ERCC6: variants seen among roughly 807,000 people sequenced by gnomAD.
ERCC6 encodes the protein ERCC excision repair 6, chromatin remodeling factor.
ERCC6 carries 116 observed loss-of-function variants against 158.7 expected under a neutral mutation model. That is an observed-to-expected ratio of 0.73 (90% CI 0.63 to 0.85). The LOEUF is 0.85. ERCC6 is among the 40% of genes least tolerant of loss of function. ERCC6 has a pLI of 0.00. For missense variants in ERCC6, 1,698 were observed against 1,799.4 expected, an observed-to-expected ratio of 0.94 and a Z score of 1.02; for synonymous variants, 678 against 659.3, an observed-to-expected ratio of 1.03 and a Z score of -0.43.
At chr10:49,464,939 G>A (rs1210877823) in intron 18 of ERCC6, among the ~76,000 whole-genome samples, 1 of 152,212 alleles carries the variant, frequency 6.6e-6, no homozygotes, top group Non-Finnish European at 1.5e-5. Context: ...GAAAATGTTG[G>A]GTTGGAGTCC....
intron 8 of ERCC6, among the ~76,000 whole-genome samples, chr10:49,491,503 A>C (rs965622319): frequency 6.6e-6 from 1 of 152,246 alleles, no homozygotes; most frequent in African/African-American, 2.4e-5. Context: ...GTGTCTGTGA[A>C]GGTAAAACAA....
At chr10:49,447,802 T>A in the ERCC6 span, among the ~76,000 whole-genome samples, 2 of 152,168 alleles carry the variant, frequency 1.3e-5, no homozygotes, top group Non-Finnish European at 2.9e-5. Flanking sequence ...TTCCCTGTTC[T>A]GTGTATTTTA....
chr10:49,461,510 G>T lies in ERCC6; in HGVS notation c.3825C>A (p.Ala1275=). Residue 1275 remains alanine (A), a synonymous_variant, in exon 19 of 21, where the codon GCC becomes GCA. Transcript: ENST00000355832. The stretch of plus-strand genomic sequence containing the variant: ...CCTCCACCAGTACATAATCTGGGCT[G>T]GCTCCATCCATGATGGCATCGTGCT... ...VMKHDAIMDG[A]SPDYVLVEAE... The T allele has an allele frequency of 5.6e-6, 9 of 1,614,120 alleles. No homozygotes were observed. The highest frequency in any genetic ancestry group is 6.8e-6 in the Non-Finnish European group (8 of 1,180,010).
At chr10:49,484,278 CAA>C (rs60365716) in intron 8 of ERCC6, among the ~76,000 whole-genome samples, 6 of 96,030 alleles carry the variant, frequency 6.2e-5, no homozygotes, top group Admixed American at 2.2e-4. Context: ...GACTCTGCCT[CAA>C]AAAAAAAAAA....
At chr10:49,436,851 A>G in the ERCC6 span, among the ~76,000 whole-genome samples, 2 of 152,240 alleles carry the variant, frequency 1.3e-5, no homozygotes, top group Admixed American at 6.5e-5. Context: ...GAAATCACAT[A>G]GGTAATAAGA....
chr10:49,517,499 T>C (rs1368974745), intron 5 of ERCC6, among the ~76,000 whole-genome samples: 1 of 152,174 alleles, frequency 6.6e-6, no homozygotes, highest in Non-Finnish European at 1.5e-5. Flanking sequence ...CCTTGAGCAG[T>C]AGGGCATGAA....
At chr10:49,506,955 A>G (rs993279294) in intron 5 of ERCC6, among the ~76,000 whole-genome samples, 2 of 152,084 alleles carry the variant, frequency 1.3e-5, no homozygotes, top group Admixed American at 1.3e-4. Flanking sequence ...TCAAACTACA[A>G]TAAAAAAAAA....
Position 49,472,963 on chromosome 10 carries a change from C to G in ERCC6, c.2775G>C (p.Gly925=). ...RVGGLGVNLT[G]ANRVVIYDPD... The stretch of plus-strand genomic sequence containing the variant: ...GGTCATAGATGACAACTCTGTTTGC[C>G]CCCGTCAGGTTGACACCTAAGCCGC... The change falls in exon 15 of 21, where the codon GGG becomes GGC. Residue 925 remains glycine, a synonymous_variant. Transcript: ENST00000355832. 1.2e-6 allele frequency: 2 copies of G among 1,614,148 alleles called. No homozygotes were observed. The highest frequency in any genetic ancestry group is 4.5e-5 in the East Asian group (2 of 44,862).
chr10:49,519,412 T>A (rs1343516615), intron 5 of ERCC6, among the ~76,000 whole-genome samples: 1 of 152,206 alleles, frequency 6.6e-6, no homozygotes, highest in Non-Finnish European at 1.5e-5. Context: ...AGGTCATTTT[T>A]TCATCTTAAT....
At chr10:49,443,744 T>A in the ERCC6 span, among the ~76,000 whole-genome samples, 2 of 152,236 alleles carry the variant, frequency 1.3e-5, no homozygotes, top group African/African-American at 4.8e-5. Context: ...AATACCATTA[T>A]GTTACAACTG....
At chr10:49,444,557 G>A in the ERCC6 span, among the ~76,000 whole-genome samples, 12,647 of 152,220 alleles carry the variant, frequency 0.083, 653 homozygotes, top group South Asian at 0.19. Flanking sequence ...CAAATCCTAG[G>A]AGAGAACAGT....
At chr10:49,473,099 C>T in intron 14 of ERCC6, 71 bp from the exon 15 acceptor site, 1 of 1,603,940 alleles carries the variant, frequency 6.2e-7, no homozygotes, top group South Asian at 1.1e-5. Flanking sequence ...TCTGCCTCCA[C>T]ATATTGTACA....
At chr10:49,493,352 CA>C in intron 7 of ERCC6, 100 bp from the exon 8 acceptor site, 2 of 1,404,816 alleles carry the variant, frequency 1.4e-6, no homozygotes, top group African/African-American at 1.4e-5. Context: ...AAACTTAGTT[CA>C]AAAAAACAAT....
At chr10:49,443,031 G>A in the ERCC6 span, among the ~76,000 whole-genome samples, 1 of 152,202 alleles carries the variant, frequency 6.6e-6, no homozygotes. Context: ...TTGTGCCAAT[G>A]AGGGTGTAAA....
chr10:49,453,507 C>T (rs150632874), downstream of ERCC6, among the ~76,000 whole-genome samples: 421 of 152,200 alleles, frequency 2.8e-3, 1 homozygote, highest in African/African-American at 9.9e-3. Context: ...ATGTTATAGA[C>T]CAATACATCA....
In ERCC6 at chr10:49,490,949, C is replaced by T. The variant is rs113464314; in HGVS notation, c.1821+2168G>A. Among the ~76,000 whole-genome samples the T allele has an allele frequency of 7.5e-4, 114 of 152,276 alleles. 1 individual carries two copies. Among genetic ancestry groups the T allele is most frequent in the African/African-American group, 2.6e-3 (110 of 41,540 alleles). ...GACGCTGAGTTAGAGGACGAATCAC[C>T]ACAAACAGAATTTTTGAAATATGAA... On this transcript the variant is annotated intron_variant, in intron 8 of 20. Coordinates refer to ENST00000355832, the MANE Select transcript of ERCC6 (RefSeq NM_000124.4).
intron 8 of ERCC6, among the ~76,000 whole-genome samples, chr10:49,489,816 AT>A: frequency 6.6e-6 from 1 of 152,234 alleles, no homozygotes; most frequent in Admixed American, 6.5e-5. Context: ...GAGTTATGGG[AT>A]AGGTATCACA....
At chr10:49,538,826 C>T (rs900640401) in intron 1 of ERCC6, 136 bp downstream of exon 1, 2 of 152,270 alleles carry the variant, frequency 1.3e-5, no homozygotes, top group South Asian at 2.1e-4. Flanking sequence ...CCCTAAGACC[C>T]GCTACAGTGC....
intron 5 of ERCC6, among the ~76,000 whole-genome samples, chr10:49,508,230 G>A (rs1330982760): frequency 6.6e-6 from 1 of 152,132 alleles, no homozygotes; most frequent in Non-Finnish European, 1.5e-5. Context: ...AGAATATATT[G>A]CCTTTTGAAG....
Sources: gnomAD v4.1 joint callset for allele counts (sites outside exome capture counted in the v4.1 genomes callset) on GRCh38, gnomAD v4.1.1 for gene constraint, MANE v1.5 for transcripts, NCBI Gene and HGNC (gene_info 2026-07-23, HGNC 2026-07-21) for gene names.